The following LRP1B variants were observed in gnomAD, a reference collection of about 807,000 sequenced individuals.
LRP1B encodes low-density lipoprotein receptor-related protein 1B.
LRP1B carries 217 observed loss-of-function variants against 556.6 expected under a neutral mutation model. That is an observed-to-expected ratio of 0.39 (90% confidence interval 0.35 to 0.44). The LOEUF is 0.44. LRP1B is among the 20% of genes least tolerant of loss of function. The pLI is 1.00. For missense variants in LRP1B, 5,053 were observed against 5,620.8 expected, an observed-to-expected ratio of 0.90 and a Z score of 3.23; for synonymous variants, 2,047 against 1,865.8, an observed-to-expected ratio of 1.10 and a Z score of -2.50.
intron 66 of LRP1B, among the ~76,000 whole-genome samples, chr2:140,427,925 C>T (rs2105277608): frequency 1.3e-5 from 2 of 152,242 alleles, no homozygotes. Context: ...GACTAGCCCT[C>T]CCCCACCTGC....
At chr2:142,071,065 G>C (rs1705293898) in intron 1 of LRP1B, among the ~76,000 whole-genome samples, 1 of 151,884 alleles carries the variant, frequency 6.6e-6, no homozygotes, top group South Asian at 2.1e-4. Context: ...TTTGCCATCT[G>C]AACTCATGTT....
At chr2:141,273,070 A>T in intron 3 of LRP1B, among the ~76,000 whole-genome samples, 1 of 152,176 alleles carries the variant, frequency 6.6e-6, no homozygotes, top group East Asian at 1.9e-4. Context: ...GCACTTTTGG[A>T]GTCCAAGATG....
intron 63 of LRP1B, among the ~76,000 whole-genome samples, chr2:140,445,891 G>T (rs1686637612): frequency 6.6e-6 from 1 of 151,820 alleles, no homozygotes. Flanking sequence ...CTGATTTTGA[G>T]GTTAATATTA....
At chr2:141,403,773 G>A (rs896983066) in intron 3 of LRP1B, among the ~76,000 whole-genome samples, 5 of 152,014 alleles carry the variant, frequency 3.3e-5, no homozygotes, top group African/African-American at 7.2e-5. Context: ...ATAATATAGC[G>A]AATTCAGGTA....
chr2:140,357,830 TA>T, intron 74 of LRP1B, 148 bp downstream of exon 74: 1 of 823,840 alleles, frequency 1.2e-6, no homozygotes, highest in Non-Finnish European at 1.8e-6. Flanking sequence ...AGTAATATTC[TA>T]ATGTTGCTTT....
intron 6 of LRP1B, among the ~76,000 whole-genome samples, chr2:141,197,374 T>A (rs1293442197): frequency 6.6e-6 from 1 of 152,154 alleles, no homozygotes; most frequent in Non-Finnish European, 1.5e-5. Context: ...TACACTCACT[T>A]AAAGCAGGAA....
intron 6 of LRP1B, among the ~76,000 whole-genome samples, chr2:141,216,605 C>CT (rs1023294005): frequency 6.6e-6 from 1 of 152,190 alleles, no homozygotes; most frequent in African/African-American, 2.4e-5. Context: ...CACTCAATCT[C>CT]TGAGAGTAGC....
intron 1 of LRP1B, among the ~76,000 whole-genome samples, chr2:142,059,082 A>G (rs1490776587): frequency 6.6e-6 from 1 of 152,086 alleles, no homozygotes; most frequent in African/African-American, 2.4e-5. Context: ...CATTTTTGAA[A>G]TTGGGTTATT....
intron 2 of LRP1B, among the ~76,000 whole-genome samples, chr2:141,496,394 G>A (rs1683509386): frequency 6.6e-6 from 1 of 152,000 alleles, no homozygotes; most frequent in South Asian, 2.1e-4. Context: ...AGGTTCCCAG[G>A]CAATGTCGGT....
At chr2:141,701,305 A>G (rs554465234) in intron 2 of LRP1B, among the ~76,000 whole-genome samples, 1 of 151,982 alleles carries the variant, frequency 6.6e-6, no homozygotes, top group East Asian at 1.9e-4. Context: ...CCCTGAACAC[A>G]TCACTCACTT....
chr2:140,665,611 C>T (rs522410), intron 41 of LRP1B, among the ~76,000 whole-genome samples: 150,168 of 152,272 alleles, frequency 0.99, 74,080 homozygotes, highest in Middle Eastern at 1. Context: ...TATTGCAGAG[C>T]TTTTGGGGAA....
intron 86 of LRP1B, among the ~76,000 whole-genome samples, chr2:140,255,819 C>A (rs1681649371): frequency 6.6e-6 from 1 of 152,174 alleles, no homozygotes; most frequent in African/African-American, 2.4e-5. Context: ...TCAGTCATTT[C>A]TCACTGAAAG....
chr2:140,829,662 A>G (rs1691647278), intron 31 of LRP1B, among the ~76,000 whole-genome samples: 1 of 152,088 alleles, frequency 6.6e-6, no homozygotes, highest in Non-Finnish European at 1.5e-5. Flanking sequence ...GAACACCTAC[A>G]TCAAAAAGTT....
intron 1 of LRP1B, among the ~76,000 whole-genome samples, chr2:141,969,995 C>T (rs1271234205): frequency 4.0e-5 from 6 of 151,424 alleles, no homozygotes; most frequent in Non-Finnish European, 8.9e-5. Context: ...GCTGATATCT[C>T]ATTGCAGTTT....
At chr2:141,648,857 G>T (rs1689679992) in intron 2 of LRP1B, among the ~76,000 whole-genome samples, 1 of 152,184 alleles carries the variant, frequency 6.6e-6, no homozygotes, top group Non-Finnish European at 1.5e-5. Flanking sequence ...AATCCATTCT[G>T]GTCATGCCTG....
intron 2 of LRP1B, among the ~76,000 whole-genome samples, chr2:141,502,533 C>G (rs1326209650): frequency 1.3e-5 from 2 of 152,048 alleles, no homozygotes; most frequent in African/African-American, 4.8e-5. Context: ...AAAATTTAGC[C>G]TATGGGAAAC....
chr2:140,347,053 GTACTTT>G (rs1681722364), intron 77 of LRP1B, among the ~76,000 whole-genome samples: 1 of 151,732 alleles, frequency 6.6e-6, no homozygotes, highest in South Asian at 2.1e-4. Flanking sequence ...AATTTAATCT[GTACTTT>G]TAAAGTTATT....
intron 35 of LRP1B, among the ~76,000 whole-genome samples, chr2:140,728,157 TA>T (rs33973198): frequency 0.97 from 147,413 of 151,948 alleles, 71,601 homozygotes; most frequent in Non-Finnish European, 1. Context: ...TACTTGTTAT[TA>T]AAAAAAAAAT....
intron 2 of LRP1B, among the ~76,000 whole-genome samples, chr2:141,594,808 T>C (rs1395829050): frequency 6.6e-6 from 1 of 152,056 alleles, no homozygotes; most frequent in Non-Finnish European, 1.5e-5. Context: ...GTTTATGATA[T>C]TGATATATAG....
Sources: allele counts gnomAD v4.1 joint callset (sites outside exome capture counted in the v4.1 genomes callset), GRCh38; gene constraint gnomAD v4.1.1; transcripts MANE v1.5; gene names NCBI Gene and HGNC (gene_info 2026-07-23, HGNC 2026-07-21).